Variants in LYRM4 observed in about 807,000 individuals in gnomAD.
The protein encoded by LYRM4 is LYR motif-containing protein 4.
LYRM4 carries 9 observed loss-of-function variants against 11.7 expected under a neutral mutation model. That is an observed-to-expected ratio of 0.77 (90% confidence interval 0.46 to 1.34). LYRM4 has a LOEUF of 1.34. LYRM4 is among the 40% of genes most tolerant of loss of function. LYRM4 has a pLI of 0.00. For synonymous variants in LYRM4, 42 were observed against 40.4 expected (o/e 1.04, Z -0.15); for missense variants, 133 against 112.5 (o/e 1.18, Z -0.82).
At chr6:5,259,821 A>C (rs894474678) in intron 1 of LYRM4, among the ~76,000 whole-genome samples, 2 of 152,184 alleles carry the variant, frequency 1.3e-5, no homozygotes, top group Admixed American at 1.3e-4. Context: ...AACAAAAAAC[A>C]AATCTAAAAA....
At chr6:5,097,203 C>A in the LYRM4 span, among the ~76,000 whole-genome samples, 1 of 152,180 alleles carries the variant, frequency 6.6e-6, no homozygotes, top group Non-Finnish European at 1.5e-5. Flanking sequence ...GGTGAGGGGG[C>A]CGAGCAGGCT....
chr6:5,097,436 G>A, the LYRM4 span, among the ~76,000 whole-genome samples: 1 of 129,334 alleles, frequency 7.7e-6, no homozygotes, highest in East Asian at 2.6e-4. Context: ...TAAAGTGATG[G>A]GCTAAAGTGA....
chr6:5,117,503 C>A (rs369699518), intron 2 of LYRM4, among the ~76,000 whole-genome samples: 4 of 150,624 alleles, frequency 2.7e-5, no homozygotes, highest in African/African-American at 4.9e-5. Context: ...TGCAGTGAGC[C>A]GAGATCGCAC....
chr6:5,044,192 G>A, the LYRM4 span, among the ~76,000 whole-genome samples: 3 of 152,036 alleles, frequency 2.0e-5, no homozygotes, highest in Admixed American at 6.5e-5. Flanking sequence ...GCAGTGGTAC[G>A]ATCTTGGCTC....
chr6:5,094,834 G>A, the LYRM4 span, among the ~76,000 whole-genome samples: 4 of 152,172 alleles, frequency 2.6e-5, no homozygotes, highest in East Asian at 1.9e-4. Context: ...AAAAGGGATC[G>A]CTGAAGGGGA....
chr6:5,169,932 G>T (rs910244312), intron 2 of LYRM4, among the ~76,000 whole-genome samples: 1 of 152,204 alleles, frequency 6.6e-6, no homozygotes, highest in Non-Finnish European at 1.5e-5. Context: ...GCCAGCAAAG[G>T]TGCCGTGGAG....
intron 2 of LYRM4, among the ~76,000 whole-genome samples, chr6:5,175,630 G>A (rs968416490): frequency 6.6e-6 from 1 of 152,158 alleles, no homozygotes; most frequent in Non-Finnish European, 1.5e-5. Flanking sequence ...CACACATTTT[G>A]TGACACCCCT....
At position 5,232,034 on chromosome 6, in the gene LYRM4, A is replaced by T. The variant is rs191804072; in HGVS notation, c.87-15296T>A. On this transcript the variant is annotated intron_variant, in intron 1 of 2. Coordinates refer to ENST00000330636, the MANE Select transcript of LYRM4 (RefSeq NM_020408.6). ...ACAAATGCTTACTGGTTACCATGCC[A>T]CTTTTTTCTTTTTAATACTAACTAA... Among the ~76,000 whole-genome samples the T allele has an allele frequency of 6.4e-4, 97 of 152,254 alleles. 2 individuals carry two copies. The highest frequency in any genetic ancestry group is 2.3e-3 in the African/African-American group (95 of 41,576).
the LYRM4 span, chr6:5,031,873 C>G: frequency 6.6e-6 from 1 of 151,858 alleles, no homozygotes; most frequent in Non-Finnish European, 1.5e-5. Flanking sequence ...AATGACATAG[C>G]CAATTAAGTG....
chr6:5,245,089 TAAAAAAAAA>T (rs71540855), intron 1 of LYRM4, among the ~76,000 whole-genome samples: 218 of 15,452 alleles, frequency 0.014, 14 homozygotes, highest in African/African-American at 0.031. Flanking sequence ...AGGAAGACCT[TAAAAAAAAA>T]AAAAAAAAAA....
At chr6:5,139,836 CTTT>C (rs1383432945) in intron 2 of LYRM4, among the ~76,000 whole-genome samples, 1 of 112,590 alleles carries the variant, frequency 8.9e-6, no homozygotes, top group African/African-American at 2.7e-5. Flanking sequence ...GACCCCAGCA[CTTT>C]TTTCTTTTTT....
chr6:5,232,882 G>C lies in LYRM4; in HGVS notation c.87-16144C>G, dbSNP rs558443064. On this transcript the variant is annotated intron_variant, in intron 1 of 2. Coordinates refer to ENST00000330636, the MANE Select transcript of LYRM4 (RefSeq NM_020408.6). ...AAGCCCTGTTCAGAATCAACAAACAGCAGCTTCCCTGTGGGTGTTTAGCAT... is the reference window on the plus strand; with the variant it reads ...AAGCCCTGTTCAGAATCAACAAACACCAGCTTCCCTGTGGGTGTTTAGCAT... Among the ~76,000 whole-genome samples, 86 of 152,318 alleles carry C rather than the reference G, an allele frequency of 5.6e-4. 1 individual carries two copies. The highest frequency in any genetic ancestry group is 1.9e-3 in the African/African-American group (81 of 41,578).
chr6:5,165,272 G>A (rs76210212), intron 2 of LYRM4, among the ~76,000 whole-genome samples: 2,112 of 152,162 alleles, frequency 0.014, 41 homozygotes, highest in African/African-American at 0.046. Context: ...AATTGCTCTA[G>A]CGTGGACACA....
At chr6:5,057,367 G>C in the LYRM4 span, among the ~76,000 whole-genome samples, 1 of 152,010 alleles carries the variant, frequency 6.6e-6, no homozygotes, top group African/African-American at 2.4e-5. Flanking sequence ...CTCAACTTTG[G>C]GACAAAAGAG....
chr6:5,089,790 C>G, the LYRM4 span, among the ~76,000 whole-genome samples: 1 of 152,176 alleles, frequency 6.6e-6, no homozygotes, highest in Non-Finnish European at 1.5e-5. Flanking sequence ...CAGTATTTCA[C>G]CAATGTGTGT....
At chr6:5,057,234 A>T in the LYRM4 span, among the ~76,000 whole-genome samples, 1 of 152,120 alleles carries the variant, frequency 6.6e-6, no homozygotes, top group Non-Finnish European at 1.5e-5. Flanking sequence ...CACGAGCCAC[A>T]CCCTGAGGTC....
chr6:5,160,652 A>ACC (rs56951080), intron 2 of LYRM4, among the ~76,000 whole-genome samples: 5 of 147,666 alleles, frequency 3.4e-5, no homozygotes, highest in African/African-American at 1.0e-4. Context: ...TGATTATGAG[A>ACC]CCCCCCCCCC....
the LYRM4 span, among the ~76,000 whole-genome samples, chr6:5,047,346 T>C: frequency 6.6e-6 from 1 of 152,248 alleles, no homozygotes; most frequent in Non-Finnish European, 1.5e-5. Flanking sequence ...TCAGTCTTTG[T>C]CAAACCAGGA....
intron 2 of LYRM4, among the ~76,000 whole-genome samples, chr6:5,174,454 G>A (rs1759605473): frequency 6.6e-6 from 1 of 152,120 alleles, no homozygotes; most frequent in South Asian, 2.1e-4. Flanking sequence ...ACAGACGGAT[G>A]CACAATGATA....
Sources: gnomAD v4.1 joint callset for allele counts (sites outside exome capture counted in the v4.1 genomes callset) on GRCh38, gnomAD v4.1.1 for gene constraint, MANE v1.5 for transcripts, NCBI Gene and HGNC (gene_info 2026-07-23, HGNC 2026-07-21) for gene names.